ZNF559: variants seen among roughly 807,000 people sequenced by gnomAD.
ZNF559 encodes the protein putative protein product of Nbla00121.
ZNF559 carries 17 observed loss-of-function variants against 14.2 expected under a neutral mutation model. The observed-to-expected ratio is 1.20, with a 90% confidence interval of 0.82 to 1.80. The LOEUF (loss-of-function observed/expected upper bound fraction) is 1.80. Among genes scored for constraint, ZNF559 ranks in the 40% most tolerant of loss-of-function variants. ZNF559 has a pLI of 0.00. For missense variants in ZNF559, 740 were observed against 629.7 expected (o/e 1.18, Z -1.88); for synonymous variants, 244 against 212.4 (o/e 1.15, Z -1.29).
rs2067690994 is a variant in ZNF559, at chr19:9,344,630, C to T, written c.*1562C>T. ...TGCCACTACACTCTAGCCTGGGCAA[C>T]AGGATGAGACCCTGTCTCAAAAAAA... On this transcript the variant is annotated 3_prime_UTR_variant, in exon 7 of 7. Coordinates refer to ENST00000603380, the MANE Select transcript of ZNF559 (RefSeq NM_032497.3). 1 of 147,946 alleles carries T rather than the reference C, an allele frequency of 6.8e-6. No homozygotes were observed. Among genetic ancestry groups the T allele is most frequent in the South Asian group, 2.2e-4 (1 of 4,578 alleles). 9.2% of individuals were successfully genotyped at this position (147,946 alleles called of 1,614,324 possible).
intron 2 of ZNF559, among the ~76,000 whole-genome samples, chr19:9,326,213 G>C (rs367561887): frequency 7.0e-6 from 1 of 143,642 alleles, no homozygotes. Context: ...GCGTTCAAGC[G>C]ATTCTCCTGA....
intron 5 of ZNF559, among the ~76,000 whole-genome samples, chr19:9,340,099 C>T (rs1183279152): frequency 1.3e-5 from 2 of 152,116 alleles, no homozygotes; most frequent in East Asian, 3.9e-4. Context: ...CTTGCACATT[C>T]TAACATCATT....
Position 9,339,177 on chromosome 19 carries a change from G to A in ZNF559, c.34-16G>A, listed in dbSNP as rs2067404553. 6.8e-6 allele frequency: 11 copies of A among 1,613,298 alleles called. No homozygotes were observed. The highest frequency in any genetic ancestry group is 9.3e-6 in the Non-Finnish European group (11 of 1,179,464). On this transcript the variant is annotated splice_polypyrimidine_tract_variant and intron_variant, in intron 4 of 6. Transcript: ENST00000603380. Reference sequence around the variant, plus strand: ...GAACGTACTTGCCTGACGCCAGCATGTGTGTGATGGTTTAGGACTCAGTGA... The same window carrying A: ...GAACGTACTTGCCTGACGCCAGCATATGTGTGATGGTTTAGGACTCAGTGA...
rs1261778030 is a variant in ZNF559 at position 9,343,022 on chromosome 19, G to A, written c.1571G>A (p.Cys524Tyr). Residue 524 changes from cysteine to tyrosine, a missense_variant, in exon 7 of 7, where the codon TGT becomes TAT. Physicochemically the swap from Cys to Tyr is radical, Grantham distance 194. Coordinates refer to ENST00000603380, the MANE Select transcript of ZNF559 (RefSeq NM_032497.3). ...SHSVEKPYKE[C>Y]GQTFSNSSCL... ...AGTGTGGAGAAACCATATAAGGAAT[G>A]TGGGCAAACCTTTAGTAATTCCTCA... 2.5e-6 allele frequency: 4 copies of A among 1,613,994 alleles called. No individual in the cohort carries two copies. The highest frequency in any genetic ancestry group is 3.4e-6 in the Non-Finnish European group (4 of 1,179,968).
intron 6 of ZNF559, 89 bp from the exon 7 acceptor site, chr19:9,341,606 A>G: frequency 6.3e-7 from 1 of 1,595,800 alleles, no homozygotes; most frequent in East Asian, 2.2e-5. Flanking sequence ...CTTATTTTCC[A>G]TGTGTAACAG....
Position 9,342,339 on chromosome 19 carries a change from CTA to C in ZNF559, c.890_891del (p.Tyr297CysfsTer3), listed in dbSNP as rs2067621824. The C allele has an allele frequency of 5.0e-6, 8 of 1,605,630 alleles. No individual in the cohort carries two copies. The highest frequency in any genetic ancestry group is 2.2e-5 in the East Asian group (1 of 44,814). On this transcript the variant is annotated frameshift_variant, in exon 7 of 7. Transcript: ENST00000603380. LOFTEE classifies it low-confidence loss of function (END_TRUNC). ...TAAGACTTAGAACTAGAGGAAAACA[CTA>C]TGTTTGTAATGAATGTGGCAAAGAA... ...HIRLRTRGKH[Y>X]VCNECGKEFT... is the part of the protein sequence containing the mutation.
At chr19:9,325,006 G>T (rs569063650) in intron 2 of ZNF559, among the ~76,000 whole-genome samples, 1 of 152,252 alleles carries the variant, frequency 6.6e-6, no homozygotes, top group East Asian at 1.9e-4. Flanking sequence ...TCACTCTAGC[G>T]CCCTGTAGAT....
At chr19:9,331,375 A>G (rs1243501058) in intron 2 of ZNF559, among the ~76,000 whole-genome samples, 1 of 152,154 alleles carries the variant, frequency 6.6e-6, no homozygotes. Context: ...GTGAGCCACT[A>G]CGCCTAGCTT....
intron 5 of ZNF559, 79 bp downstream of exon 5, chr19:9,339,398 T>C: frequency 1.4e-6 from 2 of 1,477,886 alleles, no homozygotes; most frequent in Middle Eastern, 1.8e-4. Flanking sequence ...TAGACTCTGC[T>C]TGTTAATGGG....
Position 9,324,213 on chromosome 19 carries a change from C to G in ZNF559, c.-221C>G, listed in dbSNP as rs1472863231. 4.6e-6 allele frequency: 7 copies of G among 1,535,990 alleles called. No homozygotes were observed. The South Asian group carries it at 4.8e-5, about 10-fold the overall frequency. On this transcript the variant is annotated 5_prime_UTR_variant, in exon 1 of 7. Transcript: ENST00000603380. ...ACGGCCGCCATCTTAACAGCGCGTT[C>G]CCGTTGGCGTCTGAGGTAAGTTTTT... is the stretch of plus-strand genomic sequence containing the variant.
rs904074002 is a variant in ZNF559 at position 9,328,348 on chromosome 19, CTTTTTTTT to C, written c.-120+3585_-120+3592del. 1.3e-4 allele frequency among the ~76,000 whole-genome samples: 8 copies of C among 60,984 alleles called. No individual in the cohort carries two copies. In the South Asian group the frequency reaches 4.7e-3, roughly 36 times the overall value. The allele number at this position is 60,984 out of a possible 152,430, so 40.0% of individuals were successfully genotyped here. A position where few individuals can be genotyped will look rare whatever the true frequency, so the allele number is the denominator to read the frequency against. On this transcript the variant is annotated intron_variant, in intron 2 of 6. Coordinates refer to ENST00000603380, the MANE Select transcript of ZNF559 (RefSeq NM_032497.3). ...TTGACATACTATTAGGCTTGTTTGT[CTTTTTTTT>C]TTTTTTTTTTTTTTTTGAGACGGAG... is the stretch of plus-strand genomic sequence containing the variant.
At position 9,342,152 on chromosome 19, in the gene ZNF559, C is replaced by T. The variant is rs1465167862; in HGVS notation, c.701C>T (p.Thr234Ile). Residue 234 changes from threonine to isoleucine, a missense_variant, in exon 7 of 7, where the codon ACT becomes ATT. Coordinates refer to ENST00000603380, the MANE Select transcript of ZNF559 (RefSeq NM_032497.3). The stretch of plus-strand genomic sequence containing the variant: ...ACAGCCCTTTTTGTACACATGCAAA[C>T]TCAAGATGGAGAAAAATTCTATGAA... Reference protein sequence around the residue: ...HSTALFVHMQTQDGEKFYECK... With the variant: ...HSTALFVHMQIQDGEKFYECK... The T allele has an allele frequency of 6.2e-7, 1 of 1,612,414 alleles. No homozygotes were observed. Among genetic ancestry groups the T allele is most frequent in the South Asian group, 1.1e-5 (1 of 90,636 alleles).
rs2067671253 is a variant in ZNF559, at chr19:9,343,709, A to G, written c.*641A>G. On this transcript the variant is annotated 3_prime_UTR_variant, in exon 7 of 7. Coordinates refer to ENST00000603380, the MANE Select transcript of ZNF559 (RefSeq NM_032497.3). ...CCACACTGAAGAGGAACCTGACTGT[A>G]TGGAAGGTCAAAAAGGCTGTATTAA... The G allele has an allele frequency of 1.0e-6, 1 of 986,486 alleles. No homozygotes were observed. Among genetic ancestry groups the G allele is most frequent in the Non-Finnish European group, 1.2e-6 (1 of 830,680 alleles). The allele number at this position is 986,486 out of a possible 1,614,324, so 61.1% of individuals were successfully genotyped here.
Position 9,343,730 on chromosome 19 carries a change from A to G in ZNF559, c.*662A>G, listed in dbSNP as rs1599361769. ...CTGTATGGAAGGTCAAAAAGGCTGTATTAATTTACATGCAAAAAGTCACAC... is the reference window on the plus strand; with the variant it reads ...CTGTATGGAAGGTCAAAAAGGCTGTGTTAATTTACATGCAAAAAGTCACAC... On this transcript the variant is annotated 3_prime_UTR_variant, in exon 7 of 7. Coordinates refer to ENST00000603380, the MANE Select transcript of ZNF559 (RefSeq NM_032497.3). 4.1e-6 allele frequency: 4 copies of G among 986,100 alleles called. No individual in the cohort carries two copies. The highest frequency in any genetic ancestry group is 4.8e-6 in the Non-Finnish European group (4 of 830,424). 61.1% of individuals were successfully genotyped at this position (986,100 alleles called of 1,614,324 possible).
At chr19:9,335,638 C>G (rs555531092) in intron 2 of ZNF559, among the ~76,000 whole-genome samples, 18 of 152,302 alleles carry the variant, frequency 1.2e-4, no homozygotes, top group African/African-American at 4.1e-4. Context: ...ACCTTTGCCT[C>G]CCAGGCTCAA....
rs945015502 is a variant in ZNF559, at chr19:9,343,150, A to G, written c.*82A>G. On this transcript the variant is annotated 3_prime_UTR_variant, in exon 7 of 7. Transcript: ENST00000603380. ...GAACATGTACTCATTCATAGTGGCAATGTACACAGTCATAAGGAATGTGGG... is the reference window on the plus strand; with the variant it reads ...GAACATGTACTCATTCATAGTGGCAGTGTACACAGTCATAAGGAATGTGGG... The G allele has an allele frequency of 4.0e-5, 61 of 1,532,960 alleles. No homozygotes were observed. The East Asian group carries it at 4.5e-4, about 11-fold the overall frequency. 95.0% of individuals were successfully genotyped at this position (1,532,960 alleles called of 1,614,324 possible).
intron 5 of ZNF559, among the ~76,000 whole-genome samples, chr19:9,340,607 G>A (rs183508806): frequency 5.7e-5 from 8 of 139,790 alleles, no homozygotes; most frequent in South Asian, 4.5e-4. Flanking sequence ...TTGCTCTATC[G>A]CCAGGCTGAA....
At position 9,342,247 on chromosome 19, in the gene ZNF559, G is replaced by A. The variant is rs766237587; in HGVS notation, c.796G>A (p.Val266Met). ...TCAACATTTAAGAACTCATAGTAGA[G>A]TGTTACCTATAGAACATAAGAAATT... ...LTQHLRTHSRVLPIEHKKFGK... is the reference protein window; with the variant it reads ...LTQHLRTHSRMLPIEHKKFGK... The change falls in exon 7 of 7, where the codon GTG becomes ATG. Residue 266 changes from valine (V) to methionine (M), a missense_variant. Val to Met is a conservative substitution (Grantham distance 21). Transcript: ENST00000603380. The A allele has an allele frequency of 3.2e-6, 5 of 1,586,522 alleles. No individual in the cohort carries two copies. The highest frequency in any genetic ancestry group is 1.2e-5 in the South Asian group (1 of 85,664).
intron 1 of ZNF559, 183 bp from the exon 2 acceptor site, chr19:9,324,512 G>A: frequency 1.5e-6 from 2 of 1,314,450 alleles, no homozygotes; most frequent in Non-Finnish European, 1.0e-6. Flanking sequence ...GCCTCATAGG[G>A]CCCGGCGCGG....
Sources: gnomAD v4.1 joint callset for allele counts (sites outside exome capture counted in the v4.1 genomes callset) on GRCh38, gnomAD v4.1.1 for gene constraint, MANE v1.5 for transcripts, NCBI Gene and HGNC (gene_info 2026-07-23, HGNC 2026-07-21) for gene names.